CCDC30: variants seen among roughly 807,000 people sequenced by gnomAD.
CCDC30 encodes the protein coiled-coil domain containing 30.
A neutral mutation model predicts 100.2 loss-of-function variants in CCDC30; 70 were observed. The observed-to-expected ratio is 0.70, with a 90% confidence interval of 0.58 to 0.85. CCDC30 has a LOEUF of 0.85. Among genes scored for constraint, CCDC30 ranks in the 40% least tolerant of loss-of-function variants. The pLI is 0.00. For synonymous variants in CCDC30, 233 were observed against 269.5 expected, an observed-to-expected ratio of 0.86 and a Z score of 1.33; for missense variants, 652 against 771.2, an observed-to-expected ratio of 0.85 and a Z score of 1.83.
chr1:42,633,045 A>G (rs1490183336), intron 11 of CCDC30, among the ~76,000 whole-genome samples: 1 of 152,034 alleles, frequency 6.6e-6, no homozygotes, highest in East Asian at 1.9e-4. Context: ...CCTGGCCTCA[A>G]GTGATCTGCC....
intron 13 of CCDC30, among the ~76,000 whole-genome samples, chr1:42,642,989 G>C (rs1647583769): frequency 6.6e-6 from 1 of 152,154 alleles, no homozygotes; most frequent in African/African-American, 2.4e-5. Flanking sequence ...GAAATCCACA[G>C]GATATCAGTG....
At chr1:42,605,613 G>A (rs558108365) in intron 10 of CCDC30, among the ~76,000 whole-genome samples, 9 of 152,056 alleles carry the variant, frequency 5.9e-5, no homozygotes, top group African/African-American at 2.2e-4. Context: ...CAAGTAGCTG[G>A]GACTACAGGC....
intron 4 of CCDC30, chr1:42,491,712 T>C: frequency 4.7e-6 from 1 of 213,786 alleles, no homozygotes; most frequent in Non-Finnish European, 9.5e-6. Flanking sequence ...TCAAAACATG[T>C]AGCCTTTTGG....
chr1:42,484,229 A>G (rs879278899), intron 3 of CCDC30, among the ~76,000 whole-genome samples: 31 of 152,284 alleles, frequency 2.0e-4, no homozygotes, highest in Non-Finnish European at 1.5e-5. Flanking sequence ...TGCATATCCC[A>G]TGTGGGTTGG....
At chr1:42,608,424 G>T (rs1202682554) in intron 10 of CCDC30, among the ~76,000 whole-genome samples, 1 of 152,176 alleles carries the variant, frequency 6.6e-6, no homozygotes, top group Non-Finnish European at 1.5e-5. Flanking sequence ...AAGTCTGGCC[G>T]GGCACTGTGG....
chr1:42,556,978 G>A (rs370055812), intron 6 of CCDC30, among the ~76,000 whole-genome samples: 1 of 152,106 alleles, frequency 6.6e-6, no homozygotes, highest in Non-Finnish European at 1.5e-5. Context: ...ATTTTACTAG[G>A]GATCTGCCTG....
At chr1:42,515,378 G>C (rs1644539604) in intron 6 of CCDC30, among the ~76,000 whole-genome samples, 1 of 152,182 alleles carries the variant, frequency 6.6e-6, no homozygotes, top group Non-Finnish European at 1.5e-5. Flanking sequence ...ACCCCAGTTT[G>C]TGGGATTTTG....
In CCDC30 at chr1:42,581,713, G is replaced by A. The variant is rs1048475606; in HGVS notation, c.1001+199G>A. Among the ~76,000 whole-genome samples the A allele has an allele frequency of 5.9e-5, 9 of 152,134 alleles. No individual in the cohort carries two copies. In the South Asian group the frequency reaches 8.3e-4, roughly 14 times the overall value. On this transcript the variant is annotated intron_variant, in intron 9 of 16. Transcript: ENST00000668663. ...GTTTATTTTCTAGTTTACCTCTGGC[G>A]CTAGAGTGTGAGATTTTTAAAGGCA... is the stretch of plus-strand genomic sequence containing the variant.
intron 6 of CCDC30, among the ~76,000 whole-genome samples, chr1:42,561,976 A>G (rs2148558900): frequency 6.6e-6 from 1 of 152,338 alleles, no homozygotes; most frequent in African/African-American, 2.4e-5. Context: ...AAAATGTTCC[A>G]TCCTAACATC....
intron 11 of CCDC30, among the ~76,000 whole-genome samples, chr1:42,614,200 C>T (rs1646680538): frequency 6.6e-6 from 1 of 151,312 alleles, no homozygotes; most frequent in Non-Finnish European, 1.5e-5. Flanking sequence ...CCTGCCTCAG[C>T]CTCCCGAGTA....
intron 6 of CCDC30, among the ~76,000 whole-genome samples, chr1:42,514,682 C>T (rs543299548): frequency 1.3e-5 from 2 of 152,250 alleles, no homozygotes; most frequent in South Asian, 4.1e-4. Flanking sequence ...GAGATGGAGT[C>T]ATGCTCTGTC....
chr1:42,625,512 C>T (rs1020072306), intron 11 of CCDC30, among the ~76,000 whole-genome samples: 5 of 151,904 alleles, frequency 3.3e-5, no homozygotes, highest in Non-Finnish European at 5.9e-5. Flanking sequence ...CAGCTATAAA[C>T]TTACTGCTTT....
chr1:42,572,767 C>A (rs1400800776), intron 7 of CCDC30, among the ~76,000 whole-genome samples: 1 of 152,144 alleles, frequency 6.6e-6, no homozygotes, highest in Non-Finnish European at 1.5e-5. Flanking sequence ...CAGGCACACA[C>A]CACCATGCCT....
intron 11 of CCDC30, among the ~76,000 whole-genome samples, chr1:42,621,572 C>T (rs1274809130): frequency 2.6e-5 from 4 of 151,984 alleles, no homozygotes; most frequent in African/African-American, 4.8e-5. Flanking sequence ...AGTGCAGTGG[C>T]GTGATCTCTG....
rs146495029 is a variant in CCDC30 at position 42,573,848 on chromosome 1, A to AT, written c.637-3165dup. Among the ~76,000 whole-genome samples the AT allele has an allele frequency of 4.5e-3, 680 of 152,184 alleles. 2 individuals carry two copies. The highest frequency in any genetic ancestry group is 8.2e-3 in the Non-Finnish European group (555 of 67,970). On this transcript the variant is annotated intron_variant, in intron 7 of 16. Coordinates refer to ENST00000668663, the Ensembl canonical transcript of CCDC30. ...GACAAATACATGTTGAATTTCATAA[A>AT]TTTTTTTCTGAATATTTTGAGAAGG...
At chr1:42,487,240 G>A (rs964692306) in intron 3 of CCDC30, among the ~76,000 whole-genome samples, 1 of 152,028 alleles carries the variant, frequency 6.6e-6, no homozygotes, top group Non-Finnish European at 1.5e-5. Flanking sequence ...ATTAGATTGC[G>A]ATGGTTGCAT....
intron 7 of CCDC30, among the ~76,000 whole-genome samples, chr1:42,573,143 C>T (rs748966372): frequency 5.3e-5 from 8 of 152,150 alleles, no homozygotes; most frequent in Non-Finnish European, 8.8e-5. Flanking sequence ...CACACAAATA[C>T]TCACATGAAC....
the CCDC30 span, chr1:42,457,691 G>A: frequency 1.3e-5 from 3 of 222,238 alleles, no homozygotes; most frequent in South Asian, 1.2e-4. Flanking sequence ...GGTGGCTCAC[G>A]CCTGTAATCC....
intron 6 of CCDC30, 88 bp from the exon 7 acceptor site, chr1:42,536,388 T>G: frequency 1.3e-6 from 1 of 786,386 alleles, no homozygotes; most frequent in Non-Finnish European, 2.0e-6. Context: ...GATGATTTCA[T>G]TATTGAGTTA....
Sources: allele counts gnomAD v4.1 joint callset (sites outside exome capture counted in the v4.1 genomes callset), GRCh38; gene constraint gnomAD v4.1.1; transcripts MANE v1.5; gene names NCBI Gene and HGNC (gene_info 2026-07-23, HGNC 2026-07-21).